HMBOX1: variants seen among roughly 807,000 people sequenced by gnomAD.
The protein encoded by HMBOX1 is homeobox containing 1, also known as homeobox-containing protein 1.
In HMBOX1, 14 loss-of-function variants were observed where a neutral mutation model predicts 54.5. That is an observed-to-expected ratio of 0.26 (90% CI 0.17 to 0.40). The LOEUF (loss-of-function observed/expected upper bound fraction) is 0.40. Ranked by LOEUF, HMBOX1 falls within the 10% of genes least tolerant of loss-of-function variation. The pLI is 1.00. For missense variants in HMBOX1, 332 were observed against 514.4 expected, an observed-to-expected ratio of 0.65 and a Z score of 3.43; for synonymous variants, 160 against 181.0, an observed-to-expected ratio of 0.88 and a Z score of 0.93.
In HMBOX1 at chr8:28,895,456, C is replaced by T. The variant is rs189566904; in HGVS notation, c.-58+4778C>T. Among the ~76,000 whole-genome samples, 172 of 152,286 alleles carry T rather than the reference C, an allele frequency of 1.1e-3. 2 individuals carry two copies. The highest frequency in any genetic ancestry group is 3.9e-4 in the Admixed American group (6 of 15,296). On this transcript the variant is annotated intron_variant, in intron 1 of 9. Transcript: ENST00000287701. ...TTGGGAGGCTGAGGTGGGCAGATCA[C>T]CTAAGGTCAGGAATTCGAGACCAGT...
intron 1 of HMBOX1, among the ~76,000 whole-genome samples, chr8:28,950,856 AG>A (rs1276180200): frequency 6.6e-6 from 1 of 152,240 alleles, no homozygotes; most frequent in Non-Finnish European, 1.5e-5. Flanking sequence ...AGGAAAAAGT[AG>A]GGAACATAAT....
chr8:28,933,350 C>G (rs536967740), intron 1 of HMBOX1, among the ~76,000 whole-genome samples: 19 of 152,244 alleles, frequency 1.2e-4, no homozygotes, highest in African/African-American at 4.6e-4. Context: ...ATTCAGAGAC[C>G]TGTCAACTAA....
intron 4 of HMBOX1, among the ~76,000 whole-genome samples, chr8:29,005,486 T>G (rs1833324450): frequency 6.6e-6 from 1 of 152,212 alleles, no homozygotes; most frequent in African/African-American, 2.4e-5. Flanking sequence ...TTTTCATTTA[T>G]TTCATGAGCA....
intron 6 of HMBOX1, among the ~76,000 whole-genome samples, chr8:29,027,116 T>A (rs1802175635): frequency 6.6e-6 from 1 of 152,214 alleles, no homozygotes; most frequent in South Asian, 2.1e-4. Flanking sequence ...TGCTGTGTGT[T>A]AGCACTAACC....
chr8:28,957,662 G>T (rs1399466030), intron 1 of HMBOX1, among the ~76,000 whole-genome samples: 1 of 152,060 alleles, frequency 6.6e-6, no homozygotes, highest in Non-Finnish European at 1.5e-5. Flanking sequence ...TTGCTCTGCC[G>T]CCCAGGCTGG....
At chr8:28,982,620 T>C (rs1207967777) in intron 4 of HMBOX1, among the ~76,000 whole-genome samples, 1 of 151,298 alleles carries the variant, frequency 6.6e-6, no homozygotes, top group African/African-American at 2.4e-5. Flanking sequence ...CGGCTAATAT[T>C]TATTTTTTAC....
chr8:28,905,948 G>T (rs560804300), intron 1 of HMBOX1, among the ~76,000 whole-genome samples: 2 of 152,110 alleles, frequency 1.3e-5, no homozygotes, highest in South Asian at 4.2e-4. Context: ...ATTTTTTTCA[G>T]CTTTGATTAT....
At chr8:29,028,832 G>A (rs560560101) in intron 6 of HMBOX1, among the ~76,000 whole-genome samples, 172 of 152,258 alleles carry the variant, frequency 1.1e-3, no homozygotes, top group African/African-American at 3.9e-3. Flanking sequence ...AGTTTCTTCT[G>A]TGCTCTTTTA....
rs191954945 is a variant in HMBOX1, at chr8:29,043,790, A to T, written c.852-1571A>T. 4.6e-5 allele frequency among the ~76,000 whole-genome samples: 7 copies of T among 152,328 alleles called. No individual in the cohort carries two copies. The East Asian group carries it at 1.4e-3, about 29-fold the overall frequency. On this transcript the variant is annotated intron_variant, in intron 6 of 9. Transcript: ENST00000287701. The stretch of plus-strand genomic sequence containing the variant: ...CCAAAGCATCTCAGCCTAAGTAAAT[A>T]GGCATAGGGCAGAGACAAAAGCCAT...
chr8:28,994,400 G>T (rs1831478796), intron 4 of HMBOX1, among the ~76,000 whole-genome samples: 1 of 152,038 alleles, frequency 6.6e-6, no homozygotes, highest in African/African-American at 2.4e-5. Context: ...TTTTTCCATT[G>T]ATTCTTTGAA....
At chr8:28,929,123 T>C (rs1382207562) in intron 1 of HMBOX1, among the ~76,000 whole-genome samples, 1 of 152,208 alleles carries the variant, frequency 6.6e-6, no homozygotes, top group Non-Finnish European at 1.5e-5. Context: ...ACATATAATT[T>C]CTATTTGTCT....
chr8:29,028,111 C>A (rs530035431), intron 6 of HMBOX1, among the ~76,000 whole-genome samples: 10 of 152,172 alleles, frequency 6.6e-5, no homozygotes, highest in Admixed American at 3.9e-4. Flanking sequence ...AAATATTCTC[C>A]CGGGCAAGGA....
chr8:28,975,595 G>A (rs752335901), intron 3 of HMBOX1, among the ~76,000 whole-genome samples: 1 of 152,182 alleles, frequency 6.6e-6, no homozygotes, highest in Non-Finnish European at 1.5e-5. Context: ...GAAAAAGGGA[G>A]TAGGAGGCAA....
At chr8:28,906,734 C>T (rs1430454784) in intron 1 of HMBOX1, among the ~76,000 whole-genome samples, 1 of 152,118 alleles carries the variant, frequency 6.6e-6, no homozygotes, top group African/African-American at 2.4e-5. Context: ...GGATTATAGG[C>T]GTTAGCCACC....
chr8:28,918,163 C>T (rs1816897931), intron 1 of HMBOX1, among the ~76,000 whole-genome samples: 1 of 152,178 alleles, frequency 6.6e-6, no homozygotes, highest in Non-Finnish European at 1.5e-5. Context: ...ACTATGAACT[C>T]AGTTTCCTTA....
In HMBOX1 at chr8:28,961,501, T is replaced by G. The variant is rs1350710999; in HGVS notation, c.-57-2310T>G. On this transcript the variant is annotated intron_variant, in intron 1 of 9. Transcript: ENST00000287701. ...GGGTTGTTTCGCTTAGCATCATGTC[T>G]TCAAGTTTCATTCATGTTTTTGTGT... Among the ~76,000 whole-genome samples the G allele has an allele frequency of 3.9e-5, 6 of 152,246 alleles. No homozygotes were observed. The East Asian group carries it at 1.2e-3, about 29-fold the overall frequency.
chr8:28,890,804 G>C (rs1810737702), intron 1 of HMBOX1, 126 bp downstream of exon 1: 1 of 152,502 alleles, frequency 6.6e-6, no homozygotes, highest in Non-Finnish European at 1.5e-5. Flanking sequence ...GATGGGTCTC[G>C]TAAGCGGCCG....
At chr8:28,936,006 AATATAT>A (rs1366929362) in intron 1 of HMBOX1, among the ~76,000 whole-genome samples, 2 of 152,022 alleles carry the variant, frequency 1.3e-5, no homozygotes, top group Admixed American at 6.5e-5. Context: ...AATAGAAAAG[AATATAT>A]ATATAAAGTG....
intron 1 of HMBOX1, among the ~76,000 whole-genome samples, chr8:28,945,838 A>G (rs532683557): frequency 9.2e-5 from 14 of 152,202 alleles, no homozygotes; most frequent in Admixed American, 7.8e-4. Context: ...AACTTTAATA[A>G]GATACAATTC....
Sources: gnomAD v4.1 joint callset for allele counts (sites outside exome capture counted in the v4.1 genomes callset) on GRCh38, gnomAD v4.1.1 for gene constraint, MANE v1.5 for transcripts, NCBI Gene and HGNC (gene_info 2026-07-23, HGNC 2026-07-21) for gene names.